Variants in ECE1 observed in about 807,000 individuals in gnomAD.
ECE1 encodes the protein endothelin-converting enzyme 1.
ECE1 carries 35 observed loss-of-function variants against 98.6 expected under a neutral mutation model. That is an observed-to-expected ratio of 0.35 (90% CI 0.27 to 0.47). The LOEUF is 0.47. Among genes scored for constraint, ECE1 ranks in the 20% least tolerant of loss-of-function variants. The pLI is 1.00. For missense variants in ECE1, 814 were observed against 1,025.3 expected (o/e 0.79, Z 2.81); for synonymous variants, 394 against 407.1 (o/e 0.97, Z 0.39).
chr1:21,328,115 G>A (rs1041137012), intron 1 of ECE1, among the ~76,000 whole-genome samples: 1 of 152,124 alleles, frequency 6.6e-6, no homozygotes, highest in Non-Finnish European at 1.5e-5. Flanking sequence ...GCTGCTATAG[G>A]TCACTCACCC....
At chr1:21,332,719 G>GGTGA (rs1196927497) in intron 1 of ECE1, among the ~76,000 whole-genome samples, 1 of 2,506 alleles carries the variant, frequency 4.0e-4, no homozygotes, top group African/African-American at 3.4e-3. Flanking sequence ...AGGGAGGGGA[G>GGTGA]GGGAGGGGAG....
chr1:21,321,037 C>T (rs1449670701), intron 1 of ECE1, among the ~76,000 whole-genome samples: 3 of 152,004 alleles, frequency 2.0e-5, no homozygotes, highest in Non-Finnish European at 4.4e-5. Flanking sequence ...GATATTTTCC[C>T]ACATAATCTT....
In ECE1 at chr1:21,307,360, GTCAT is replaced by G. The variant is rs1638621384; in HGVS notation, c.4-17208_4-17205del. Among the ~76,000 whole-genome samples, 8 of 152,306 alleles carry G rather than the reference GTCAT, an allele frequency of 5.3e-5. No homozygotes were observed. The highest frequency in any genetic ancestry group is 2.1e-4 in the South Asian group (1 of 4,828). ...TTAGCAGCTGTGTGATGTTGAGCGA[GTCAT>G]GTCACCTCTCGGAGCCTCAATTTCC... On this transcript the variant is annotated intron_variant, in intron 1 of 18. Coordinates refer to the ECE1 transcript ENST00000415912. This position sits in a 1 kb window ranked among gnomAD's most constrained non-coding sequence, Gnocchi z 4.2.
rs1234774858 is a variant in ECE1 at position 21,340,047 on chromosome 1, C to T, written c.3+5329G>A. Among the ~76,000 whole-genome samples, 3 of 152,216 alleles carry T rather than the reference C, an allele frequency of 2.0e-5. No homozygotes were observed. Among genetic ancestry groups the T allele is most frequent in the East Asian group, 1.9e-4 (1 of 5,200 alleles). ...AATTTTTTATGTGTCCAAAACTTGGCGTCTAGGAAGCATTCCACCAAGTGT... is the reference window on the plus strand; with the variant it reads ...AATTTTTTATGTGTCCAAAACTTGGTGTCTAGGAAGCATTCCACCAAGTGT... On this transcript the variant is annotated intron_variant, in intron 1 of 18. Transcript: ENST00000415912. This position sits in a 1 kb window ranked among gnomAD's most constrained non-coding sequence, Gnocchi z 4.6.
At chr1:21,331,757 T>A (rs902536319) in intron 1 of ECE1, among the ~76,000 whole-genome samples, 1 of 152,026 alleles carries the variant, frequency 6.6e-6, no homozygotes, top group Non-Finnish European at 1.5e-5. Flanking sequence ...AGGGTTGATG[T>A]GAAGATTAAG....
intron 1 of ECE1, among the ~76,000 whole-genome samples, chr1:21,336,799 C>T (rs1199767923): frequency 1.3e-5 from 2 of 152,036 alleles, no homozygotes; most frequent in Non-Finnish European, 2.9e-5. Flanking sequence ...GCCGAGATCG[C>T]GCCACTGCAC....
At position 21,279,112 on chromosome 1, in the gene ECE1, G is replaced by C. The variant is rs1008009872; in HGVS notation, c.280+79C>G. Reference sequence around the variant, plus strand: ...TCAGAGCCCTGCCCCGGCTTAAGCAGGGAAGCCCCCCTCGCCCGAGCTGAC... The same window carrying C: ...TCAGAGCCCTGCCCCGGCTTAAGCACGGAAGCCCCCCTCGCCCGAGCTGAC... On this transcript the variant is annotated intron_variant, in intron 3 of 18. Coordinates refer to ENST00000374893, the MANE Select transcript of ECE1 (RefSeq NM_001397.3). 1.1e-5 allele frequency: 17 copies of C among 1,611,726 alleles called. No homozygotes were observed. The African/African-American group carries it at 1.9e-4, about 18-fold the overall frequency.
chr1:21,235,772 A>ATCTGGACCCAGCCCTGCCTCGGCCC lies in ECE1; in HGVS notation c.1566+53_1566+77dup. Reference sequence around the variant, plus strand: ...ACAACCATGCTGCCTCTAGCACCCCATCTGGACCCAGCCCTGCCTCGGCCC... The same window carrying ATCTGGACCCAGCCCTGCCTCGGCCC: ...ACAACCATGCTGCCTCTAGCACCCCATCTGGACCCAGCCCTGCCTCGGCCCTCTGGACCCAGCCCTGCCTCGGCCC... On this transcript the variant is annotated intron_variant, in intron 13 of 18. Transcript: ENST00000374893. The surrounding 1 kb of genome is among the most constrained non-coding windows in gnomAD (Gnocchi z 4.2). The ATCTGGACCCAGCCCTGCCTCGGCCC allele has an allele frequency of 6.8e-7, 1 of 1,465,890 alleles. No homozygotes were observed. Among genetic ancestry groups the ATCTGGACCCAGCCCTGCCTCGGCCC allele is most frequent in the Non-Finnish European group, 9.6e-7 (1 of 1,045,040 alleles). The allele number at this position is 1,465,890 out of a possible 1,614,324, so 90.8% of individuals were successfully genotyped here.
chr1:21,254,387 G>A (rs535370855), intron 8 of ECE1, among the ~76,000 whole-genome samples: 121 of 152,220 alleles, frequency 7.9e-4, no homozygotes, highest in African/African-American at 2.7e-3. Flanking sequence ...TCTAAGCCCA[G>A]GGCTTGTGTA....
intron 2 of ECE1, among the ~76,000 whole-genome samples, chr1:21,289,232 G>A (rs1306997187): frequency 6.6e-6 from 1 of 152,034 alleles, no homozygotes; most frequent in Non-Finnish European, 1.5e-5. Flanking sequence ...TTTCTACACT[G>A]GCTTCTCAAG....
chr1:21,228,520 T>C (rs748661088), intron 14 of ECE1, among the ~76,000 whole-genome samples: 7 of 152,114 alleles, frequency 4.6e-5, no homozygotes, highest in Non-Finnish European at 1.0e-4. Context: ...ACACAGTGGC[T>C]CATGCTTGTA....
chr1:21,263,564 C>CCAGGAT (rs2098229903), intron 4 of ECE1, among the ~76,000 whole-genome samples: 1 of 152,122 alleles, frequency 6.6e-6, no homozygotes, highest in Admixed American at 6.5e-5. Context: ...ACCATGTTGG[C>CCAGGAT]CAGGATGGTC....
Position 21,245,087 on chromosome 1 carries a change from T to C in ECE1, c.1180A>G (p.Met394Val), listed in dbSNP as rs2098201516. The C allele has an allele frequency of 1.9e-6, 3 of 1,614,102 alleles. No homozygotes were observed. The highest frequency in any genetic ancestry group is 2.2e-5 in the South Asian group (2 of 91,078). ...GTTTTCCGCACCAGGTTCCAGATCA[T>C]GTAGTTGTTGAGCAGGCTGCGGGGA... ...TTDRCLLNNY[M>V]IWNLVRKTSS... The change falls in exon 10 of 19, where the codon ATG becomes GTG. Residue 394 changes from methionine (M) to valine (V), a missense_variant. Transcript: ENST00000374893.
intron 1 of ECE1, among the ~76,000 whole-genome samples, chr1:21,320,087 A>C (rs1389876098): frequency 6.6e-6 from 1 of 152,248 alleles, no homozygotes; most frequent in African/African-American, 2.4e-5. Flanking sequence ...ATCTGTGGTG[A>C]GCCGCATTCA....
chr1:21,285,744 C>A (rs971593429), intron 2 of ECE1, among the ~76,000 whole-genome samples: 1 of 147,714 alleles, frequency 6.8e-6, no homozygotes, highest in Non-Finnish European at 1.5e-5. Flanking sequence ...GCAATCCCAG[C>A]ACTTTGGAAG....
rs957764021 is a variant in ECE1 at position 21,290,282 on chromosome 1, GAGACCGGCCCAC to G, written c.51+70_51+81del. The G allele has an allele frequency of 4.3e-5, 55 of 1,293,370 alleles. No homozygotes were observed. Among genetic ancestry groups the G allele is most frequent in the Middle Eastern group, 5.0e-4 (2 of 4,016 alleles). The allele number at this position is 1,293,370 out of a possible 1,614,324, so 80.1% of individuals were successfully genotyped here. A position where few individuals can be genotyped will look rare whatever the true frequency, so the allele number is the denominator to read the frequency against. The stretch of plus-strand genomic sequence containing the variant: ...CGCCCCGGCCTGGACACCCGAGACC[GAGACCGGCCCAC>G]GGAGCGGCCCGCGCGGGGAGGGGTC... On this transcript the variant is annotated intron_variant, in intron 1 of 18. Transcript: ENST00000374893. The surrounding 1 kb of genome is among the most constrained non-coding windows in gnomAD (Gnocchi z 7.3).
Position 21,235,985 on chromosome 1 carries a change from G to C in ECE1, c.1489-58C>G. The C allele has an allele frequency of 6.5e-7, 1 of 1,530,566 alleles. No homozygotes were observed. The highest frequency in any genetic ancestry group is 9.1e-7 in the Non-Finnish European group (1 of 1,103,852). The allele number at this position is 1,530,566 out of a possible 1,614,324, so 94.8% of individuals were successfully genotyped here. On this transcript the variant is annotated intron_variant, in intron 12 of 18. Coordinates refer to ENST00000374893, the MANE Select transcript of ECE1 (RefSeq NM_001397.3). This position sits in a 1 kb window ranked among gnomAD's most constrained non-coding sequence, Gnocchi z 4.2. ...GGCAACATCGACCAGGCCAGCCTGAGCAACTTGGGTGCTGGGCTCATAGTC... is the reference window on the plus strand; with the variant it reads ...GGCAACATCGACCAGGCCAGCCTGACCAACTTGGGTGCTGGGCTCATAGTC...
rs889730981 is a variant in ECE1, at chr1:21,319,027, C to A, written c.3+26349G>T. ...TGGGTCTGTACAATCTCCCGGGCTC[C>A]GTTTTCTCATCAGCTAAGTCAAAAT... is the stretch of plus-strand genomic sequence containing the variant. On this transcript the variant is annotated intron_variant, in intron 1 of 18. Transcript: ENST00000415912. This position sits in a 1 kb window ranked among gnomAD's most constrained non-coding sequence, Gnocchi z 4.4. Among the ~76,000 whole-genome samples, 9 of 152,166 alleles carry A rather than the reference C, an allele frequency of 5.9e-5. No individual in the cohort carries two copies. The highest frequency in any genetic ancestry group is 1.3e-4 in the Non-Finnish European group (9 of 68,030).
Position 21,275,258 on chromosome 1 carries a change from A to G in ECE1, c.281-2347T>C, listed in dbSNP as rs536456128. Among the ~76,000 whole-genome samples the G allele has an allele frequency of 1.1e-3, 167 of 152,292 alleles. 1 individual carries two copies. The highest frequency in any genetic ancestry group is 2.1e-3 in the Non-Finnish European group (143 of 68,024). On this transcript the variant is annotated intron_variant, in intron 3 of 18. Coordinates refer to ENST00000374893, the MANE Select transcript of ECE1 (RefSeq NM_001397.3). ...ATAAAGGTTTTTGCTGTTATCACACAGGGACTTGGGTTTAAAAACAAAACA... is the reference window on the plus strand; with the variant it reads ...ATAAAGGTTTTTGCTGTTATCACACGGGGACTTGGGTTTAAAAACAAAACA...
Sources: allele counts gnomAD v4.1 joint callset (sites outside exome capture counted in the v4.1 genomes callset), GRCh38; gene constraint gnomAD v4.1.1; non-coding constraint Gnocchi (gnomAD v3.1); transcripts MANE v1.5; gene names NCBI Gene and HGNC (gene_info 2026-07-23, HGNC 2026-07-21).